RP1: variants seen among roughly 807,000 people sequenced by gnomAD.
RP1 encodes the protein RP1 axonemal microtubule associated, also known as oxygen-regulated protein 1.
RP1 carries 16 observed loss-of-function variants against 14.8 expected under a neutral mutation model. That is an observed-to-expected ratio of 1.08 (90% CI 0.73 to 1.65). The LOEUF is 1.65. Ranked by LOEUF, RP1 falls within the 40% of genes most tolerant of loss-of-function variation. The pLI is 0.00. For synonymous variants in RP1, 876 were observed against 883.6 expected (o/e 0.99, Z 0.15); for missense variants, 2,631 against 2,535.0 (o/e 1.04, Z -0.81).
intron 26 of RP1, among the ~76,000 whole-genome samples, chr8:54,856,444 G>T (rs919964527): frequency 6.6e-6 from 1 of 152,094 alleles, no homozygotes; most frequent in Non-Finnish European, 1.5e-5. Flanking sequence ...GTATGTATAT[G>T]TATGTACATA....
chr8:54,578,606 T>C (rs1044915966), intron 1 of RP1, among the ~76,000 whole-genome samples: 11 of 152,254 alleles, frequency 7.2e-5, no homozygotes, highest in Non-Finnish European at 1.5e-4. Context: ...CTCTGAATTT[T>C]ACTCTGGAAG....
intron 24 of RP1, among the ~76,000 whole-genome samples, chr8:54,786,277 G>T (rs975858530): frequency 2.0e-5 from 3 of 151,978 alleles, no homozygotes; most frequent in Admixed American, 6.6e-5. Flanking sequence ...TCAGTACTTT[G>T]AATATGTCAT....
chr8:54,762,437 T>TA lies in RP1; in HGVS notation c.3248+3362dup, dbSNP rs1424503186. ...CTCTTCAACTGAACACCCACGTCCT[T>TA]ATGGCTTTATTTTATTTCTATGCCT... On this transcript the variant is annotated intron_variant, in intron 22 of 22. Coordinates refer to the RP1 transcript ENST00000636932. Among the ~76,000 whole-genome samples the TA allele has an allele frequency of 3.9e-5, 6 of 152,258 alleles. No individual in the cohort carries two copies. In the East Asian group the frequency reaches 1.2e-3, roughly 29 times the overall value.
chr8:54,606,540 G>A (rs1426991282), intron 1 of RP1, among the ~76,000 whole-genome samples: 3 of 152,114 alleles, frequency 2.0e-5, no homozygotes, highest in Admixed American at 1.3e-4. Context: ...CTCTTCTCGA[G>A]GAGTATCTTT....
At chr8:54,800,525 T>C (rs1330004506) in intron 24 of RP1, among the ~76,000 whole-genome samples, 1 of 152,194 alleles carries the variant, frequency 6.6e-6, no homozygotes, top group Non-Finnish European at 1.5e-5. Flanking sequence ...TATTGTCCAA[T>C]GTTCTCGGAT....
upstream of RP1, among the ~76,000 whole-genome samples, chr8:54,612,314 C>CAA (rs1805617642): frequency 6.6e-6 from 1 of 152,170 alleles, no homozygotes; most frequent in Non-Finnish European, 1.5e-5. Context: ...CTGGATCCTG[C>CAA]AAGCTGCTGT....
At chr8:54,700,103 G>C (rs980311807) in intron 13 of RP1, among the ~76,000 whole-genome samples, 1 of 152,098 alleles carries the variant, frequency 6.6e-6, no homozygotes, top group Non-Finnish European at 1.5e-5. Context: ...ATAGGATTAA[G>C]TGAGTTGCAC....
intron 5 of RP1, among the ~76,000 whole-genome samples, chr8:54,655,717 C>G (rs987697653): frequency 3.3e-5 from 5 of 152,032 alleles, no homozygotes; most frequent in Non-Finnish European, 7.4e-5. Flanking sequence ...AAAATAGAAA[C>G]ACTAGAAATA....
At chr8:54,645,916 C>T (rs937552515) in intron 3 of RP1, among the ~76,000 whole-genome samples, 2 of 151,746 alleles carry the variant, frequency 1.3e-5, no homozygotes, top group African/African-American at 4.8e-5. Context: ...TGAGTCTTTC[C>T]CCAATCTGTT....
At chr8:54,767,422 C>T (rs552400376) in intron 22 of RP1, among the ~76,000 whole-genome samples, 5 of 150,216 alleles carry the variant, frequency 3.3e-5, no homozygotes, top group African/African-American at 4.9e-5. Flanking sequence ...TTCAGTGGAG[C>T]GATCTCAGCC....
chr8:54,685,063 T>C (rs1022382663), intron 12 of RP1, among the ~76,000 whole-genome samples: 6 of 152,124 alleles, frequency 3.9e-5, no homozygotes, highest in Admixed American at 2.6e-4. Flanking sequence ...GATGGGTTGA[T>C]AGGTGCAGCA....
chr8:54,670,832 G>T (rs192186045), intron 7 of RP1, among the ~76,000 whole-genome samples: 1 of 149,858 alleles, frequency 6.7e-6, no homozygotes, highest in African/African-American at 2.5e-5. Flanking sequence ...CCCTCTTTAG[G>T]TTCCCATTTA....
chr8:54,665,440 G>A (rs1806995388), intron 7 of RP1, among the ~76,000 whole-genome samples: 1 of 152,176 alleles, frequency 6.6e-6, no homozygotes, highest in African/African-American at 2.4e-5. Context: ...GGTGTGCCAA[G>A]TCCTGTCAGT....
chr8:54,601,448 G>A (rs1805284338), intron 1 of RP1, among the ~76,000 whole-genome samples: 2 of 151,766 alleles, frequency 1.3e-5, no homozygotes, highest in South Asian at 2.1e-4. Context: ...GGGAGGGATA[G>A]CATTGGGAGA....
At chr8:54,725,272 T>C (rs548265017) in intron 16 of RP1, among the ~76,000 whole-genome samples, 1 of 152,352 alleles carries the variant, frequency 6.6e-6, no homozygotes, top group South Asian at 2.1e-4. Flanking sequence ...AACATATTTC[T>C]AGTTATTTCT....
At chr8:54,786,192 A>C in intron 24 of RP1, among the ~76,000 whole-genome samples, 1 of 152,004 alleles carries the variant, frequency 6.6e-6, no homozygotes, top group Non-Finnish European at 1.5e-5. Context: ...TCTGCTAGTG[A>C]TGAATTCTCT....
chr8:54,627,274 C>T lies in RP1; in HGVS notation c.3392C>T (p.Ala1131Val). ...AATTCATCCACTAATCTCCTTCTAG[C>T]TTGGCTCTTGGTGCTAAACCTAAAG... ...ICNSSTNLLL[A>V]WLLVLNLKGS... Residue 1131 changes from alanine (A) to valine (V), a missense_variant, in exon 4 of 4, where the codon GCT (alanine) becomes GTT (valine). Ala to Val is a moderately conservative substitution (Grantham distance 64). Coordinates refer to ENST00000220676, the MANE Select transcript of RP1 (RefSeq NM_006269.2). The T allele has an allele frequency of 6.2e-7, 1 of 1,614,120 alleles. No individual in the cohort carries two copies. Among genetic ancestry groups the T allele is most frequent in the Non-Finnish European group, 8.5e-7 (1 of 1,179,980 alleles).
chr8:54,794,941 A>G (rs1428143359), intron 24 of RP1, among the ~76,000 whole-genome samples: 1 of 152,102 alleles, frequency 6.6e-6, no homozygotes, highest in Non-Finnish European at 1.5e-5. Flanking sequence ...ACCTGAATAG[A>G]CATTTTCCCA....
chr8:54,853,659 A>G (rs1812106866), intron 26 of RP1, among the ~76,000 whole-genome samples: 1 of 151,922 alleles, frequency 6.6e-6, no homozygotes, highest in Non-Finnish European at 1.5e-5. Context: ...AATTTAAAAC[A>G]TACTTACATG....
Sources: allele counts gnomAD v4.1 joint callset (sites outside exome capture counted in the v4.1 genomes callset), GRCh38; gene constraint gnomAD v4.1.1; transcripts MANE v1.5; gene names NCBI Gene and HGNC (gene_info 2026-07-23, HGNC 2026-07-21).